The following PTPRG variants were observed in gnomAD, a reference collection of about 807,000 sequenced individuals.
PTPRG encodes receptor-type tyrosine-protein phosphatase gamma.
Under a neutral mutation model 165.3 loss-of-function variants are expected in PTPRG, and 102 were observed. The observed-to-expected ratio is 0.62, with a 90% CI of 0.53 to 0.73. The LOEUF (loss-of-function observed/expected upper bound fraction) is 0.73, where lower values mean the gene tolerates loss of function less well. Among genes scored for constraint, PTPRG ranks in the 30% least tolerant of loss-of-function variants. PTPRG has a pLI of 0.00. For missense variants in PTPRG, 1,866 were observed against 1,861.4 expected (o/e 1.00, Z -0.05); for synonymous variants, 675 against 669.5 (o/e 1.01, Z -0.13).
chr3:61,690,572 A>G (rs1041343847), intron 1 of PTPRG, among the ~76,000 whole-genome samples: 5 of 152,010 alleles, frequency 3.3e-5, no homozygotes, highest in Admixed American at 6.6e-5. Flanking sequence ...TCACTAAAAC[A>G]CTCATTGTGT....
intron 1 of PTPRG, among the ~76,000 whole-genome samples, chr3:61,678,082 G>A (rs1192506254): frequency 6.6e-6 from 1 of 152,200 alleles, no homozygotes; most frequent in Non-Finnish European, 1.5e-5. Flanking sequence ...TAGACAAACA[G>A]TGCCGTGAAT....
At chr3:61,637,503 T>G (rs979954366) in intron 1 of PTPRG, among the ~76,000 whole-genome samples, 1 of 152,144 alleles carries the variant, frequency 6.6e-6, no homozygotes, top group Admixed American at 6.5e-5. Flanking sequence ...CAGAGAACTT[T>G]CTGTGGCTTT....
At chr3:61,732,304 G>A (rs1474551472) in intron 1 of PTPRG, among the ~76,000 whole-genome samples, 3 of 152,098 alleles carry the variant, frequency 2.0e-5, no homozygotes, top group Non-Finnish European at 4.4e-5. Context: ...CAGGCCGGGC[G>A]CAGTGGCTCA....
intron 2 of PTPRG, among the ~76,000 whole-genome samples, chr3:61,810,280 T>TAGG (rs1171983948): frequency 6.6e-6 from 1 of 152,248 alleles, no homozygotes; most frequent in South Asian, 2.1e-4. Context: ...AGGGTGCAGG[T>TAGG]AGGATATCCA....
intron 2 of PTPRG, among the ~76,000 whole-genome samples, chr3:61,970,126 T>C (rs1236495186): frequency 3.3e-5 from 5 of 152,196 alleles, no homozygotes; most frequent in African/African-American, 1.2e-4. Context: ...TTTTGAACCA[T>C]GTGAGATATA....
At position 62,297,052 on chromosome 3, in the gene PTPRG, T is replaced by A. The variant is rs1050833737; in HGVS notation, c.*3745T>A. ...GTTTCTAAAGAATTCTGGCTTCACATTGACTCATGTTTCTTTCACTCCATT... is the reference window on the plus strand; with the variant it reads ...GTTTCTAAAGAATTCTGGCTTCACAATGACTCATGTTTCTTTCACTCCATT... On this transcript the variant is annotated 3_prime_UTR_variant, in exon 30 of 30. Transcript: ENST00000474889. 2 of 152,070 alleles carry A rather than the reference T, an allele frequency of 1.3e-5. No homozygotes were observed. Among genetic ancestry groups the A allele is most frequent in the East Asian group, 3.8e-4 (2 of 5,200 alleles). The allele number at this position is 152,070 out of a possible 1,614,324, so 9.4% of individuals were successfully genotyped here.
intron 2 of PTPRG, among the ~76,000 whole-genome samples, chr3:61,982,238 G>C (rs991965364): frequency 1.3e-5 from 2 of 152,142 alleles, no homozygotes; most frequent in Non-Finnish European, 2.9e-5. Context: ...GCATTGGCTA[G>C]TAAGAATTGT....
At chr3:62,270,296 G>A (rs1223745373) in intron 20 of PTPRG, among the ~76,000 whole-genome samples, 1 of 151,852 alleles carries the variant, frequency 6.6e-6, no homozygotes, top group East Asian at 1.9e-4. Context: ...TAAAATTTCA[G>A]TGGCTCCAAA....
At chr3:61,970,052 A>C (rs553224046) in intron 2 of PTPRG, among the ~76,000 whole-genome samples, 1 of 152,228 alleles carries the variant, frequency 6.6e-6, no homozygotes, top group African/African-American at 2.4e-5. Flanking sequence ...CCTTTTTAGC[A>C]CAAATAATTG....
intron 1 of PTPRG, among the ~76,000 whole-genome samples, chr3:61,625,790 G>T (rs531159166): frequency 6.6e-6 from 1 of 152,236 alleles, no homozygotes; most frequent in Admixed American, 6.5e-5. Flanking sequence ...AGCTCAGTAA[G>T]GTGGGACTTG....
chr3:61,908,411 C>CAAAAAAA (rs776421819), intron 2 of PTPRG, among the ~76,000 whole-genome samples: 2 of 57,724 alleles, frequency 3.5e-5, no homozygotes, highest in East Asian at 3.9e-4. Flanking sequence ...GGCAACAGAG[C>CAAAAAAA]AAAAAAAAAA....
chr3:62,183,779 A>G (rs1178604297), intron 8 of PTPRG, among the ~76,000 whole-genome samples: 2 of 152,144 alleles, frequency 1.3e-5, no homozygotes, highest in Admixed American at 1.3e-4. Flanking sequence ...GAGACCCCAC[A>G]TTGTCATTTG....
chr3:61,850,810 G>A (rs898236185), intron 2 of PTPRG, among the ~76,000 whole-genome samples: 1 of 152,192 alleles, frequency 6.6e-6, no homozygotes, highest in Non-Finnish European at 1.5e-5. Flanking sequence ...AAAAATGAGA[G>A]CACCATCTTA....
At chr3:62,225,827 G>T (rs1576156750) in intron 13 of PTPRG, among the ~76,000 whole-genome samples, 1 of 151,844 alleles carries the variant, frequency 6.6e-6, no homozygotes, top group East Asian at 1.9e-4. Flanking sequence ...GCTAATTTTT[G>T]TATTTTTGGT....
chr3:62,132,547 C>A, intron 5 of PTPRG, 55 bp from the exon 6 acceptor site: 1 of 1,360,154 alleles, frequency 7.4e-7, no homozygotes, highest in Non-Finnish European at 1.1e-6. Context: ...TAAACTGAGA[C>A]TGTTGTGCCT....
At chr3:61,614,722 ATACT>A in intron 1 of PTPRG, among the ~76,000 whole-genome samples, 1 of 152,318 alleles carries the variant, frequency 6.6e-6, no homozygotes. Context: ...TACTTTAATA[ATACT>A]TAATAATTCT....
chr3:61,946,020 T>A (rs544712713), intron 2 of PTPRG, among the ~76,000 whole-genome samples: 10 of 152,384 alleles, frequency 6.6e-5, no homozygotes, highest in African/African-American at 2.2e-4. Flanking sequence ...TTTTCTTTAC[T>A]ATTATCTCTC....
At chr3:62,286,031 T>C (rs2148895442) in intron 28 of PTPRG, among the ~76,000 whole-genome samples, 1 of 152,366 alleles carries the variant, frequency 6.6e-6, no homozygotes, top group East Asian at 1.9e-4. Flanking sequence ...GGGCTAATCG[T>C]ATTTTAACAT....
At chr3:62,098,883 T>C (rs1702199692) in intron 5 of PTPRG, among the ~76,000 whole-genome samples, 1 of 152,148 alleles carries the variant, frequency 6.6e-6, no homozygotes, top group Non-Finnish European at 1.5e-5. Flanking sequence ...ACTTGAAGGG[T>C]TGTGGTCACA....
Sources: allele counts gnomAD v4.1 joint callset (sites outside exome capture counted in the v4.1 genomes callset), GRCh38; gene constraint gnomAD v4.1.1; transcripts MANE v1.5; gene names NCBI Gene and HGNC (gene_info 2026-07-23, HGNC 2026-07-21).